FRMPD1: variants seen among roughly 807,000 people sequenced by gnomAD.
The protein encoded by FRMPD1 is FERM and PDZ domain containing 1.
A neutral mutation model predicts 117.8 loss-of-function variants in FRMPD1; 76 were observed. The observed-to-expected ratio is 0.65, with a 90% confidence interval of 0.54 to 0.78. The LOEUF is 0.78. Among genes scored for constraint, FRMPD1 ranks in the 30% least tolerant of loss-of-function variants. The pLI is 0.00. For missense variants in FRMPD1, 1,786 were observed against 1,964.5 expected (o/e 0.91, Z 1.72); for synonymous variants, 783 against 770.4 (o/e 1.02, Z -0.27).
intron 5 of FRMPD1, among the ~76,000 whole-genome samples, chr9:37,711,794 AG>A (rs930379393): frequency 3.3e-5 from 5 of 152,182 alleles, no homozygotes; most frequent in African/African-American, 1.2e-4. Context: ...GGTTGTTAGA[AG>A]GACCAAATGA....
chr9:37,652,524 T>C (rs1820709971), intron 1 of FRMPD1, among the ~76,000 whole-genome samples: 1 of 152,232 alleles, frequency 6.6e-6, no homozygotes, highest in Non-Finnish European at 1.5e-5. Context: ...TTTATTTCCT[T>C]CCTCGACATC....
chr9:37,623,443 G>T, the FRMPD1 span, among the ~76,000 whole-genome samples: 1 of 152,206 alleles, frequency 6.6e-6, no homozygotes, highest in Non-Finnish European at 1.5e-5. Context: ...TCAGGCAGGG[G>T]GCAGCCTTTT....
chr9:37,729,028 G>A lies in FRMPD1; in HGVS notation c.613-700G>A, dbSNP rs140789402. Among the ~76,000 whole-genome samples, 11 of 150,982 alleles carry A rather than the reference G, an allele frequency of 7.3e-5. No homozygotes were observed. The East Asian group carries it at 2.2e-3, about 30-fold the overall frequency. On this transcript the variant is annotated intron_variant, in intron 7 of 15. Transcript: ENST00000377765. The stretch of plus-strand genomic sequence containing the variant: ...TGGGTGGTGGGATTCTGTCTAGTAA[G>A]CAGTCAAAGATACAGACTGGGAGCC...
rs367571591 is a variant in FRMPD1, at chr9:37,737,128, A to G, written c.1434A>G (p.Ala478=). The part of the protein sequence containing the change: ...VLTLLLESNS[A]KDLACLIAGY... ...CTTTGCTGCTGGAATCCAACAGTGC[A>G]AAAGACCTAGCCTGCCTGATTGCTG... Residue 478 remains alanine, a synonymous_variant, in exon 14 of 16, where the codon GCA becomes GCG. Transcript: ENST00000377765. 10 of 1,613,022 alleles carry G rather than the reference A, an allele frequency of 6.2e-6. No individual in the cohort carries two copies. The highest frequency in any genetic ancestry group is 8.5e-6 in the Non-Finnish European group (10 of 1,179,136).
At chr9:37,697,430 G>GGTGGCAGGCGCCTGTAGTCCCA (rs1406811788) in intron 2 of FRMPD1, among the ~76,000 whole-genome samples, 16 of 152,006 alleles carry the variant, frequency 1.1e-4, no homozygotes, top group Non-Finnish European at 2.4e-4. Flanking sequence ...AGCCGGGCGT[G>GGTGGCAGGCGCCTGTAGTCCCA]GTGGCAGGCG....
Position 37,744,428 on chromosome 9 carries a change from G to A in FRMPD1, c.2396G>A (p.Ser799Asn), listed in dbSNP as rs374927581. ...DVSTAEPSAT[S>N]LQNKASTSSP... Reference sequence around the variant, plus strand: ...TCTACTGCAGAACCCAGTGCCACAAGCTTGCAGAATAAGGCCAGCACTTCT... The same window carrying A: ...TCTACTGCAGAACCCAGTGCCACAAACTTGCAGAATAAGGCCAGCACTTCT... The change falls in exon 16 of 16, where the codon AGC becomes AAC. Residue 799 changes from serine to asparagine, a missense_variant. Ser to Asn is a conservative substitution (Grantham distance 46). Coordinates refer to ENST00000377765, the MANE Select transcript of FRMPD1 (RefSeq NM_014907.3). The A allele has an allele frequency of 2.5e-6, 4 of 1,612,370 alleles. No individual in the cohort carries two copies. In the African/African-American group the frequency reaches 4.0e-5, roughly 16 times the overall value.
chr9:37,694,497 C>CA (rs1822252310), intron 2 of FRMPD1, among the ~76,000 whole-genome samples: 1 of 152,194 alleles, frequency 6.6e-6, no homozygotes, highest in South Asian at 2.1e-4. Flanking sequence ...TGCCCTTTAG[C>CA]AGTCACTTCC....
the FRMPD1 span, among the ~76,000 whole-genome samples, chr9:37,631,467 G>A: frequency 2.6e-5 from 4 of 152,252 alleles, no homozygotes; most frequent in African/African-American, 9.6e-5. Flanking sequence ...CTGATTAAGG[G>A]AAGCATGGAG....
rs146712780 is a variant in FRMPD1 at position 37,656,916 on chromosome 9, A to G, written c.-5+5822A>G. On this transcript the variant is annotated intron_variant, in intron 1 of 15. Coordinates refer to ENST00000377765, the MANE Select transcript of FRMPD1 (RefSeq NM_014907.3). ...CTAAATGGTATGTGGCCTTAATATT[A>G]GTTGTTTTGGTGAAAAAGAAAAAAA... 5.6e-3 allele frequency among the ~76,000 whole-genome samples: 754 copies of G among 134,650 alleles called. 4 individuals are homozygous for G. The highest frequency in any genetic ancestry group is 0.022 in the African/African-American group (701 of 32,000). 88.3% of individuals were successfully genotyped at this position (134,650 alleles called of 152,430 possible).
At chr9:37,691,180 A>G (rs1325422468) in intron 1 of FRMPD1, among the ~76,000 whole-genome samples, 1 of 152,234 alleles carries the variant, frequency 6.6e-6, no homozygotes, top group Admixed American at 6.5e-5. Flanking sequence ...TAATTCCTGT[A>G]CCGTCTATTG....
chr9:37,739,064 C>T (rs1338350923), intron 14 of FRMPD1, among the ~76,000 whole-genome samples: 2 of 152,082 alleles, frequency 1.3e-5, no homozygotes, highest in Non-Finnish European at 2.9e-5. Flanking sequence ...AGCTAGACTA[C>T]AGAGGAGACC....
chr9:37,621,047 A>G, the FRMPD1 span, among the ~76,000 whole-genome samples: 1 of 152,222 alleles, frequency 6.6e-6, no homozygotes, highest in Non-Finnish European at 1.5e-5. Context: ...ACATGTATCC[A>G]AAATGATAGT....
At chr9:37,651,938 A>C (rs949284459) in intron 1 of FRMPD1, among the ~76,000 whole-genome samples, 1 of 152,234 alleles carries the variant, frequency 6.6e-6, no homozygotes, top group Admixed American at 6.5e-5. Flanking sequence ...AGCACTTGCA[A>C]ATGAACGTTT....
intron 1 of FRMPD1, among the ~76,000 whole-genome samples, chr9:37,688,099 T>C (rs1052173657): frequency 3.3e-5 from 5 of 152,000 alleles, no homozygotes; most frequent in African/African-American, 9.7e-5. Context: ...TTTTATGTAA[T>C]TTTCAATGTG....
the FRMPD1 span, among the ~76,000 whole-genome samples, chr9:37,621,379 C>G: frequency 3.3e-5 from 5 of 152,112 alleles, no homozygotes; most frequent in African/African-American, 1.2e-4. Context: ...ACTCTTGCAC[C>G]GTCATCCTCA....
At chr9:37,634,288 T>C in the FRMPD1 span, among the ~76,000 whole-genome samples, 1 of 152,228 alleles carries the variant, frequency 6.6e-6, no homozygotes, top group Non-Finnish European at 1.5e-5. Context: ...GCAAATTTCC[T>C]TCACTGCTAT....
chr9:37,679,055 G>T (rs1038431254), intron 1 of FRMPD1, among the ~76,000 whole-genome samples: 3 of 152,222 alleles, frequency 2.0e-5, no homozygotes, highest in Non-Finnish European at 2.9e-5. Flanking sequence ...TCCCCTCCAT[G>T]CAGCCCTCTC....
chr9:37,673,947 G>T (rs745517168), intron 1 of FRMPD1, among the ~76,000 whole-genome samples: 8 of 152,244 alleles, frequency 5.3e-5, no homozygotes, highest in Non-Finnish European at 8.8e-5. Flanking sequence ...GGAAGGTGCT[G>T]CCATGAAGGT....
At chr9:37,737,687 G>A (rs1297968433) in intron 14 of FRMPD1, among the ~76,000 whole-genome samples, 1 of 152,078 alleles carries the variant, frequency 6.6e-6, no homozygotes, top group Admixed American at 6.5e-5. Flanking sequence ...GCCGAGCATG[G>A]TGGCACATGC....
Sources: gnomAD v4.1 joint callset for allele counts (sites outside exome capture counted in the v4.1 genomes callset) on GRCh38, gnomAD v4.1.1 for gene constraint, MANE v1.5 for transcripts, NCBI Gene and HGNC (gene_info 2026-07-23, HGNC 2026-07-21) for gene names.